The following CCDC146 variants were observed in gnomAD, a reference collection of about 807,000 sequenced individuals.
The protein encoded by CCDC146 is coiled-coil domain containing 146.
CCDC146 carries 92 observed loss-of-function variants against 119.3 expected under a neutral mutation model. The observed-to-expected ratio is 0.77, with a 90% confidence interval of 0.65 to 0.92. The LOEUF (loss-of-function observed/expected upper bound fraction) is 0.92. CCDC146 is among the 40% of genes least tolerant of loss of function. The probability of loss-of-function intolerance (pLI) is 0.00; values close to 1 mark genes in which losing one functional copy is unlikely to be tolerated. For synonymous variants in CCDC146, 372 were observed against 371.8 expected (o/e 1.00, Z -0.01); for missense variants, 1,000 against 1,103.0 (o/e 0.91, Z 1.32).
intron 2 of CCDC146, chr7:77,199,830 G>C (rs1266349934): frequency 6.3e-7 from 1 of 1,584,300 alleles, no homozygotes; most frequent in African/African-American, 1.4e-5. Context: ...GGAGTGCGCA[G>C]GGCTGGAGCT....
chr7:77,153,788 G>A (rs1791141330), intron 1 of CCDC146, among the ~76,000 whole-genome samples: 1 of 150,972 alleles, frequency 6.6e-6, no homozygotes. Flanking sequence ...ATATGACCCA[G>A]CATTTTCACT....
chr7:77,211,609 TTTTA>T (rs373598499), intron 2 of CCDC146, among the ~76,000 whole-genome samples: 2 of 151,782 alleles, frequency 1.3e-5, no homozygotes, highest in Admixed American at 6.6e-5. Flanking sequence ...TTTTTTTTAT[TTTTA>T]TTTATTTATT....
chr7:77,150,427 T>C (rs1562816353), intron 1 of CCDC146, among the ~76,000 whole-genome samples: 1 of 152,156 alleles, frequency 6.6e-6, no homozygotes, highest in Non-Finnish European at 1.5e-5. Context: ...TAAGAATATA[T>C]ATAAATGGCA....
Position 77,196,740 on chromosome 7 carries a change from C to A in CCDC146, c.156+28916C>A. On this transcript the variant is annotated intron_variant, in intron 2 of 18. Coordinates refer to ENST00000285871, the MANE Select transcript of CCDC146 (RefSeq NM_020879.3). This position sits in a 1 kb window ranked among gnomAD's most constrained non-coding sequence, Gnocchi z 4.2. The stretch of plus-strand genomic sequence containing the variant: ...CTCTTGGTCAGAAGATGAATTTTAT[C>A]GTTCCCCAGCCAAAATTCCCTTCTG... 6.2e-7 allele frequency: 1 copy of A among 1,614,128 alleles called. No individual in the cohort carries two copies.
Position 77,236,068 on chromosome 7 carries a change from C to CATAAATAAATAA in CCDC146, c.157-864_157-853dup, listed in dbSNP as rs141909777. On this transcript the variant is annotated intron_variant, in intron 2 of 18. Coordinates refer to ENST00000285871, the MANE Select transcript of CCDC146 (RefSeq NM_020879.3). The stretch of plus-strand genomic sequence containing the variant: ...CCTGGACGACAGAGTGAGACTCCGT[C>CATAAATAAATAA]ATAAATAAATAAATAAATAAATAAA... 7.0e-3 allele frequency among the ~76,000 whole-genome samples: 1,030 copies of CATAAATAAATAA among 147,434 alleles called. 10 individuals carry two copies. Among genetic ancestry groups the CATAAATAAATAA allele is most frequent in the South Asian group, 0.013 (58 of 4,554 alleles).
At chr7:77,254,888 G>A (rs187250447) in intron 5 of CCDC146, among the ~76,000 whole-genome samples, 10 of 152,306 alleles carry the variant, frequency 6.6e-5, no homozygotes, top group Admixed American at 6.5e-4. Flanking sequence ...ATAGCTCTCT[G>A]AACATCTCAA....
chr7:77,255,373 A>C (rs1219391936), intron 5 of CCDC146: 3 of 152,206 alleles, frequency 2.0e-5, no homozygotes, highest in African/African-American at 7.2e-5. Context: ...TCTATTATAG[A>C]ACGTAAATAG....
chr7:77,220,298 C>T (rs972051941), intron 2 of CCDC146, among the ~76,000 whole-genome samples: 1 of 152,300 alleles, frequency 6.6e-6, no homozygotes, highest in South Asian at 2.1e-4. Flanking sequence ...TGCCTGGCCC[C>T]GCAGGCAGTC....
At chr7:77,222,822 G>C (rs1011991142) in intron 2 of CCDC146, among the ~76,000 whole-genome samples, 1 of 152,216 alleles carries the variant, frequency 6.6e-6, no homozygotes, top group East Asian at 1.9e-4. Flanking sequence ...TGCACCGGTG[G>C]TGGAGCCTCT....
intron 8 of CCDC146, among the ~76,000 whole-genome samples, chr7:77,260,666 C>T (rs1326216444): frequency 2.6e-5 from 4 of 152,152 alleles, no homozygotes; most frequent in Non-Finnish European, 4.4e-5. Flanking sequence ...CTTGCTCTGT[C>T]GCCAGGCTGG....
Position 77,196,958 on chromosome 7 carries a change from G to C in CCDC146, c.156+29134G>C, listed in dbSNP as rs138329092. ...TCTTTTGCCTATTGCGTAGTAGTCA[G>C]AGCAATCTTTATATATTAGATGTTG... On this transcript the variant is annotated intron_variant, in intron 2 of 18. Coordinates refer to ENST00000285871, the MANE Select transcript of CCDC146 (RefSeq NM_020879.3). The surrounding 1 kb of genome is among the most constrained non-coding windows in gnomAD (Gnocchi z 4.2). The C allele has an allele frequency of 1.2e-6, 2 of 1,609,092 alleles. No homozygotes were observed. The highest frequency in any genetic ancestry group is 2.2e-5 in the East Asian group (1 of 44,884).
At chr7:77,131,262 A>G (rs564265800) in intron 1 of CCDC146, among the ~76,000 whole-genome samples, 2,369 of 151,826 alleles carry the variant, frequency 0.016, 67 homozygotes, top group African/African-American at 0.054. Flanking sequence ...AAAAGTTACC[A>G]CCCCCAAATT....
rs1029508682 is a variant in CCDC146, at chr7:77,278,990, T to C, written c.1583T>C (p.Phe528Ser). 4.3e-6 allele frequency: 7 copies of C among 1,612,272 alleles called. No individual in the cohort carries two copies. The Admixed American group carries it at 6.7e-5, about 15-fold the overall frequency. ...ACCATTCGAAATGAAAGAAACAAAT[T>C]TGTTAACTTACTCCACAAAGCTCAT... ...YDTIRNERNK[F>S]VNLLHKAHQK... The change falls in exon 13 of 19, where the codon TTT becomes TCT. Residue 528 changes from phenylalanine to serine, a missense_variant. Transcript: ENST00000285871.
intron 2 of CCDC146, among the ~76,000 whole-genome samples, chr7:77,211,505 C>T (rs1792182449): frequency 6.6e-6 from 1 of 152,140 alleles, no homozygotes; most frequent in Admixed American, 6.5e-5. Context: ...CATTCTTGTA[C>T]ATGTCTCTCC....
intron 1 of CCDC146, among the ~76,000 whole-genome samples, chr7:77,154,589 AG>A (rs1368961923): frequency 2.0e-5 from 3 of 151,550 alleles, no homozygotes; most frequent in Non-Finnish European, 2.9e-5. Context: ...GTTTGCTGAG[AG>A]TGATGGTTTC....
chr7:77,284,184 TTAAAGA>T (rs1351905312), intron 15 of CCDC146, among the ~76,000 whole-genome samples: 1 of 152,244 alleles, frequency 6.6e-6, no homozygotes, highest in African/African-American at 2.4e-5. Context: ...ACAGACTTTA[TTAAAGA>T]TGTGGGGCAA....
intron 11 of CCDC146, 50 bp from the exon 12 acceptor site, chr7:77,278,702 G>C (rs769787035): frequency 1.6e-6 from 2 of 1,242,276 alleles, no homozygotes; most frequent in Non-Finnish European, 2.3e-6. Flanking sequence ...GGATAAATCT[G>C]GGAGTGTTCA....
intron 11 of CCDC146, among the ~76,000 whole-genome samples, chr7:77,274,885 AGGGGAGC>A (rs934826064): frequency 6.6e-6 from 1 of 152,080 alleles, no homozygotes; most frequent in African/African-American, 2.4e-5. Context: ...TTGTGGGGTG[AGGGGAGC>A]GGGGAGGGAT....
chr7:77,291,509 T>G (rs1459126399), intron 17 of CCDC146, among the ~76,000 whole-genome samples: 1 of 151,490 alleles, frequency 6.6e-6, no homozygotes, highest in Non-Finnish European at 1.5e-5. Flanking sequence ...GTTCAAGACC[T>G]GCCTAGGCAA....
Sources: allele counts gnomAD v4.1 joint callset (sites outside exome capture counted in the v4.1 genomes callset), GRCh38; gene constraint gnomAD v4.1.1; non-coding constraint Gnocchi (gnomAD v3.1); transcripts MANE v1.5; gene names NCBI Gene and HGNC (gene_info 2026-07-23, HGNC 2026-07-21).